Variants in TGFBR3 observed in about 807,000 individuals in gnomAD.
TGFBR3 encodes the protein transforming growth factor beta receptor type 3.
In TGFBR3, 46 loss-of-function variants were observed where a neutral mutation model predicts 87.9. The ratio of observed to expected loss-of-function variants is 0.52; its 90% CI spans 0.41 to 0.67. The LOEUF (loss-of-function observed/expected upper bound fraction) is 0.67, where lower values mean the gene tolerates loss of function less well. Among genes scored for constraint, TGFBR3 ranks in the 30% least tolerant of loss-of-function variants. The pLI is 0.00. For synonymous variants in TGFBR3, 381 were observed against 391.6 expected, an observed-to-expected ratio of 0.97 and a Z score of 0.32; for missense variants, 866 against 1,041.9, an observed-to-expected ratio of 0.83 and a Z score of 2.32.
rs1489419137 is a variant in TGFBR3 at position 91,833,305 on chromosome 1, A to AAAC, written c.61+28165_61+28166insGTT. On this transcript the variant is annotated intron_variant, in intron 2 of 16. Coordinates refer to ENST00000212355, the MANE Select transcript of TGFBR3 (RefSeq NM_003243.5). Reference sequence around the variant, plus strand: ...TAGGAGACTCCGACTCAAAAAAAAAAAAAAAAAAAAACAGGCCTGGTAACC... The same window carrying AAAC: ...TAGGAGACTCCGACTCAAAAAAAAAAAACAAAAAAAAAAACAGGCCTGGTAACC... Among the ~76,000 whole-genome samples the AAAC allele has an allele frequency of 1.7e-4, 19 of 113,186 alleles. 1 individual carries two copies. In the East Asian group the frequency reaches 4.2e-3, roughly 25 times the overall value. The allele number at this position is 113,186 out of a possible 152,430, so 74.3% of individuals were successfully genotyped here. A position where few individuals can be genotyped will look rare whatever the true frequency, so the allele number is the denominator to read the frequency against.
At chr1:91,749,063 C>T (rs1053304101) in intron 4 of TGFBR3, among the ~76,000 whole-genome samples, 6 of 152,104 alleles carry the variant, frequency 3.9e-5, no homozygotes, top group African/African-American at 1.4e-4. Flanking sequence ...ACGAGTCATT[C>T]CTCACTATGG....
chr1:91,698,457 C>A (rs1400833819), intron 14 of TGFBR3, among the ~76,000 whole-genome samples: 1 of 151,112 alleles, frequency 6.6e-6, no homozygotes, highest in African/African-American at 2.4e-5. Context: ...AATTCAATAC[C>A]TTTAAGTACC....
rs1051792537 is a variant in TGFBR3 at position 91,681,283 on chromosome 1, T to C, written c.*2456A>G. 3.4e-5 allele frequency: 15 copies of C among 443,018 alleles called. No homozygotes were observed. In the Admixed American group the frequency reaches 3.7e-4, roughly 11 times the overall value. 27.4% of individuals were successfully genotyped at this position (443,018 alleles called of 1,614,324 possible). On this transcript the variant is annotated 3_prime_UTR_variant, in exon 17 of 17. Coordinates refer to ENST00000212355, the MANE Select transcript of TGFBR3 (RefSeq NM_003243.5). ...TCATTTTTTAGAAACATTTCAGAAA[T>C]ACTTAACGACATTCACTCTCCAATA...
intron 2 of TGFBR3, among the ~76,000 whole-genome samples, chr1:91,840,112 C>T (rs1677211360): frequency 6.6e-6 from 1 of 151,368 alleles, no homozygotes; most frequent in Non-Finnish European, 1.5e-5. Flanking sequence ...GAGTTCCAGA[C>T]CAGCCTGGCC....
At chr1:91,685,541 A>G (rs950163138) in intron 16 of TGFBR3, among the ~76,000 whole-genome samples, 1 of 151,984 alleles carries the variant, frequency 6.6e-6, no homozygotes, top group African/African-American at 2.4e-5. Context: ...CCAGGATGGT[A>G]TCGATCTCCT....
chr1:91,898,160 C>A (rs1341629845), intron 2 of TGFBR3, among the ~76,000 whole-genome samples: 1 of 152,048 alleles, frequency 6.6e-6, no homozygotes. Context: ...AACCCCAGTC[C>A]AAATCAATTA....
At chr1:91,884,146 GC>G in intron 1 of TGFBR3, among the ~76,000 whole-genome samples, 1 of 151,900 alleles carries the variant, frequency 6.6e-6, no homozygotes, top group South Asian at 2.1e-4. Flanking sequence ...ATGGTGAAAC[GC>G]CGTCTCTACT....
chr1:91,876,859 T>C (rs900804404), intron 1 of TGFBR3, among the ~76,000 whole-genome samples: 6 of 152,138 alleles, frequency 3.9e-5, no homozygotes, highest in African/African-American at 1.4e-4. Flanking sequence ...AGCAGATTCT[T>C]TAAAATGTGT....
chr1:91,882,509 C>T (rs976050648), intron 1 of TGFBR3, among the ~76,000 whole-genome samples: 1 of 151,910 alleles, frequency 6.6e-6, no homozygotes, highest in African/African-American at 2.4e-5. Context: ...CTTTGGGAGG[C>T]TGAGGTAGGC....
chr1:91,716,421 T>G lies in TGFBR3; in HGVS notation c.1708-27A>C, dbSNP rs1258652443. ...TGGAAATAACAACCCACAGGAAGATTAATGACAGTCATATGAAGGATGAAG... is the reference window on the plus strand; with the variant it reads ...TGGAAATAACAACCCACAGGAAGATGAATGACAGTCATATGAAGGATGAAG... On this transcript the variant is annotated intron_variant, in intron 11 of 16. Coordinates refer to ENST00000212355, the MANE Select transcript of TGFBR3 (RefSeq NM_003243.5). The G allele has an allele frequency of 4.3e-6, 7 of 1,614,166 alleles. No individual in the cohort carries two copies. In the Middle Eastern group the frequency reaches 5.0e-4, roughly 114 times the overall value.
At position 91,716,382 on chromosome 1, in the gene TGFBR3, G is replaced by A. The variant is rs1231027627; in HGVS notation, c.1720C>T (p.Leu574Phe). 2.7e-5 allele frequency: 44 copies of A among 1,614,046 alleles called. No individual in the cohort carries two copies. Among genetic ancestry groups the A allele is most frequent in the Non-Finnish European group, 3.2e-5 (38 of 1,180,026 alleles). The change falls in exon 12 of 17, where the codon CTT (leucine) becomes TTT (phenylalanine). Residue 574 changes from leucine to phenylalanine, a missense_variant. Coordinates refer to ENST00000212355, the MANE Select transcript of TGFBR3 (RefSeq NM_003243.5). ...CTGCTGGGGTTCCTCACCTGCTGAA[G>A]GCTGCAATTAAACTGGAAATAACAA... is the stretch of plus-strand genomic sequence containing the variant. ...RPEIVVFNCSLQQVRNPSSFQ... is the reference protein window; with the variant it reads ...RPEIVVFNCSFQQVRNPSSFQ...
chr1:91,854,557 AT>A lies in TGFBR3; in HGVS notation c.61+6913del, dbSNP rs978038513. 1.1e-4 allele frequency among the ~76,000 whole-genome samples: 17 copies of A among 152,310 alleles called. No homozygotes were observed. In the South Asian group the frequency reaches 1.9e-3, roughly 17 times the overall value. The stretch of plus-strand genomic sequence containing the variant: ...GCCCCCTATAAAAATGTGAAAAAAA[AT>A]AATATATTTTACACATGAAAATTGT... On this transcript the variant is annotated intron_variant, in intron 2 of 16. Transcript: ENST00000212355.
intron 5 of TGFBR3, among the ~76,000 whole-genome samples, chr1:91,731,573 C>T (rs1470697948): frequency 2.0e-5 from 3 of 152,148 alleles, no homozygotes; most frequent in Non-Finnish European, 2.9e-5. Flanking sequence ...TGCAGCCCTG[C>T]GGATGCCTCC....
At chr1:91,858,475 C>T (rs778423333) in intron 2 of TGFBR3, among the ~76,000 whole-genome samples, 11 of 151,716 alleles carry the variant, frequency 7.3e-5, no homozygotes, top group South Asian at 4.2e-4. Context: ...ATTAGCTGGG[C>T]GTGGCAGCGT....
chr1:91,785,906 A>G (rs1674940342), intron 3 of TGFBR3, among the ~76,000 whole-genome samples: 1 of 151,740 alleles, frequency 6.6e-6, no homozygotes, highest in Non-Finnish European at 1.5e-5. Flanking sequence ...AGCTGGGACC[A>G]CAGGTGCACA....
intron 16 of TGFBR3, among the ~76,000 whole-genome samples, chr1:91,692,227 A>G (rs1039325966): frequency 3.9e-5 from 6 of 152,206 alleles, no homozygotes; most frequent in African/African-American, 7.2e-5. Flanking sequence ...GACATTTTCC[A>G]TAACAGGAGG....
chr1:91,887,269 G>A (rs577228521), upstream of TGFBR3, among the ~76,000 whole-genome samples: 34 of 3,064 alleles, frequency 0.011, no homozygotes, highest in African/African-American at 0.02. Context: ...TTTTTGAGAT[G>A]GAGTCTCGCC....
intron 2 of TGFBR3, among the ~76,000 whole-genome samples, chr1:91,898,371 A>G (rs1166106569): frequency 6.6e-6 from 1 of 152,196 alleles, no homozygotes; most frequent in Non-Finnish European, 1.5e-5. Context: ...AAACAAATAA[A>G]TAAAAACGTT....
intron 2 of TGFBR3, among the ~76,000 whole-genome samples, chr1:91,899,038 C>T (rs868047102): frequency 1.2e-4 from 18 of 152,096 alleles, no homozygotes; most frequent in Non-Finnish European, 2.5e-4. Flanking sequence ...CTAGACAGAG[C>T]AAATCATAAA....
Sources: allele counts gnomAD v4.1 joint callset (sites outside exome capture counted in the v4.1 genomes callset), GRCh38; gene constraint gnomAD v4.1.1; transcripts MANE v1.5; gene names NCBI Gene and HGNC (gene_info 2026-07-23, HGNC 2026-07-21).